The following TRUB1 variants were observed in gnomAD, a reference collection of about 807,000 sequenced individuals.
The protein encoded by TRUB1 is pseudouridylate synthase TRUB1.
In TRUB1, 23 loss-of-function variants were observed where a neutral mutation model predicts 33.9. The observed-to-expected ratio is 0.68, with a 90% CI of 0.49 to 0.96. TRUB1 has a LOEUF of 0.96. Among genes scored for constraint, TRUB1 ranks in the 40% least tolerant of loss-of-function variants. The pLI is 0.00. For synonymous variants in TRUB1, 163 were observed against 165.4 expected, an observed-to-expected ratio of 0.99 and a Z score of 0.11; for missense variants, 378 against 422.2, an observed-to-expected ratio of 0.90 and a Z score of 0.92.
chr10:114,956,154 GAGTAA>G (rs1209302323), intron 3 of TRUB1, among the ~76,000 whole-genome samples: 7 of 152,168 alleles, frequency 4.6e-5, no homozygotes, highest in African/African-American at 9.6e-5. Flanking sequence ...GCTTGACGAT[GAGTAA>G]AGTAGAGAGT....
rs1265362219 is a variant in TRUB1 at position 114,976,465 on chromosome 10, A to G, written c.*1086A>G. On this transcript the variant is annotated 3_prime_UTR_variant, in exon 8 of 8. Coordinates refer to ENST00000298746, the MANE Select transcript of TRUB1 (RefSeq NM_139169.5). Reference sequence around the variant, plus strand: ...ACTTCATATATAATGAGTGCTTCATATTTTTGTTATGGGAAAGCAATATAT... The same window carrying G: ...ACTTCATATATAATGAGTGCTTCATGTTTTTGTTATGGGAAAGCAATATAT... 1.3e-5 allele frequency: 2 copies of G among 152,098 alleles called. No homozygotes were observed. The highest frequency in any genetic ancestry group is 2.4e-5 in the African/African-American group (1 of 41,418). The allele number at this position is 152,098 out of a possible 1,614,324, so 9.4% of individuals were successfully genotyped here. A position where few individuals can be genotyped will look rare whatever the true frequency, so the allele number is the denominator to read the frequency against.
At chr10:114,965,003 T>A (rs2084301041) in intron 4 of TRUB1, among the ~76,000 whole-genome samples, 1 of 151,226 alleles carries the variant, frequency 6.6e-6, no homozygotes, top group South Asian at 2.1e-4. Context: ...AATCTTGGCT[T>A]ACTGCAAGCT....
At chr10:114,954,242 T>C (rs1188780118) in intron 3 of TRUB1, among the ~76,000 whole-genome samples, 1 of 152,224 alleles carries the variant, frequency 6.6e-6, no homozygotes, top group Non-Finnish European at 1.5e-5. Flanking sequence ...AGTTCTAGGA[T>C]GGCAAATATT....
At chr10:114,951,442 G>C (rs2084234983) in intron 3 of TRUB1, among the ~76,000 whole-genome samples, 1 of 152,170 alleles carries the variant, frequency 6.6e-6, no homozygotes, top group African/African-American at 2.4e-5. Flanking sequence ...GGGACTTAGA[G>C]GTCATAAACT....
chr10:114,969,424 C>A (rs577774229), intron 4 of TRUB1: 1 of 143,470 alleles, frequency 7.0e-6, no homozygotes, highest in Non-Finnish European at 1.5e-5. Flanking sequence ...CAGATTGAGA[C>A]CTGTCTCAAA....
chr10:114,938,638 G>A (rs2084171292), intron 1 of TRUB1, 99 bp downstream of exon 1: 8 of 1,306,092 alleles, frequency 6.1e-6, no homozygotes, highest in Non-Finnish European at 8.2e-6. Context: ...GACAAAAGGA[G>A]GGGAAAGGGA....
intron 4 of TRUB1, among the ~76,000 whole-genome samples, chr10:114,963,950 C>G (rs760726824): frequency 1.7e-4 from 26 of 149,886 alleles, no homozygotes; most frequent in Non-Finnish European, 2.8e-4. Flanking sequence ...GGTATATACC[C>G]AAGTGGAATA....
chr10:114,974,977 A>G, intron 7 of TRUB1, 146 bp from the exon 8 acceptor site: 3 of 818,224 alleles, frequency 3.7e-6, no homozygotes, highest in Non-Finnish European at 5.5e-6. Flanking sequence ...TCTTTATCTG[A>G]GGCCTCTTGG....
chr10:114,941,028 A>G (rs1012330894), intron 1 of TRUB1, among the ~76,000 whole-genome samples: 1 of 152,064 alleles, frequency 6.6e-6, no homozygotes, highest in African/African-American at 2.4e-5. Flanking sequence ...TGGCCATTTA[A>G]TCTGGCTTCT....
intron 3 of TRUB1, among the ~76,000 whole-genome samples, chr10:114,953,846 C>CT (rs1285364122): frequency 1.1e-4 from 16 of 152,090 alleles, no homozygotes; most frequent in African/African-American, 1.4e-4. Flanking sequence ...GTGCCAGGCT[C>CT]TTTTAAACAG....
At chr10:114,939,222 T>C (rs760399049) in intron 1 of TRUB1, among the ~76,000 whole-genome samples, 1 of 152,118 alleles carries the variant, frequency 6.6e-6, no homozygotes, top group Non-Finnish European at 1.5e-5. Context: ...ACTGGGAAAA[T>C]AGTAGAAAAG....
chr10:114,945,175 G>C (rs1414024775), intron 2 of TRUB1, among the ~76,000 whole-genome samples: 2 of 152,234 alleles, frequency 1.3e-5, no homozygotes, highest in African/African-American at 2.4e-5. Context: ...GAATTAGTGA[G>C]TGACAAAGTC....
chr10:114,974,596 AAGAG>A (rs1196945837), intron 7 of TRUB1, among the ~76,000 whole-genome samples: 2 of 152,128 alleles, frequency 1.3e-5, no homozygotes, highest in East Asian at 1.9e-4. Context: ...AAAGAAGAGA[AAGAG>A]AGAACAGAAA....
Position 114,938,469 on chromosome 10 carries a change from C to A in TRUB1, c.216C>A (p.Phe72Leu). The change falls in exon 1 of 8, where the codon TTC (phenylalanine) becomes TTA (leucine). Residue 72 changes from phenylalanine (F) to leucine (L), a missense_variant. Phe to Leu is a conservative substitution (Grantham distance 22). Transcript: ENST00000298746. ...ATKLLSLSGVFAVHKPKGPTS... is the reference protein window; with the variant it reads ...ATKLLSLSGVLAVHKPKGPTS... ...AGCTGCTGTCCTTGAGCGGCGTGTT[C>A]GCCGTGCACAAGCCCAAAGGGCCCA... 6.3e-7 allele frequency: 1 copy of A among 1,592,852 alleles called. No individual in the cohort carries two copies. Among genetic ancestry groups the A allele is most frequent in the Non-Finnish European group, 8.5e-7 (1 of 1,170,926 alleles).
Position 114,975,166 on chromosome 10 carries a change from A to C in TRUB1, c.837A>C (p.Lys279Asn), listed in dbSNP as rs577286665. ...CANVLELTRT[K>N]QGPFTLEEHA... ...ATGTGCTAGAGCTGACCCGAACCAAACAGGGACCATTTACGCTAGAAGAAC... is the reference window on the plus strand; with the variant it reads ...ATGTGCTAGAGCTGACCCGAACCAACCAGGGACCATTTACGCTAGAAGAAC... The change falls in exon 8 of 8, where the codon AAA (lysine) becomes AAC (asparagine). Residue 279 changes from lysine (K) to asparagine (N), a missense_variant. Coordinates refer to ENST00000298746, the MANE Select transcript of TRUB1 (RefSeq NM_139169.5). The C allele has an allele frequency of 6.2e-7, 1 of 1,613,604 alleles. No individual in the cohort carries two copies. The highest frequency in any genetic ancestry group is 1.7e-5 in the Admixed American group (1 of 59,964).
intron 4 of TRUB1, among the ~76,000 whole-genome samples, chr10:114,967,219 C>T (rs911646085): frequency 6.6e-6 from 1 of 152,150 alleles, no homozygotes; most frequent in Non-Finnish European, 1.5e-5. Context: ...CTCTCTGTCC[C>T]ACAGTTAAGA....
Position 114,975,412 on chromosome 10 carries a change from G to A in TRUB1, c.*33G>A. On this transcript the variant is annotated 3_prime_UTR_variant, in exon 8 of 8. Coordinates refer to ENST00000298746, the MANE Select transcript of TRUB1 (RefSeq NM_139169.5). The stretch of plus-strand genomic sequence containing the variant: ...CTGGGAATATCATCATTTTCTAGTT[G>A]ACATTTGAATCCTGTGTGCAGATGC... 6.6e-7 allele frequency: 1 copy of A among 1,506,572 alleles called. No individual in the cohort carries two copies. The highest frequency in any genetic ancestry group is 2.3e-5 in the East Asian group (1 of 43,166). The allele number at this position is 1,506,572 out of a possible 1,614,324, so 93.3% of individuals were successfully genotyped here. A position where few individuals can be genotyped will look rare whatever the true frequency, so the allele number is the denominator to read the frequency against.
At chr10:114,961,384 T>C (rs2084284715) in intron 4 of TRUB1, among the ~76,000 whole-genome samples, 1 of 152,152 alleles carries the variant, frequency 6.6e-6, no homozygotes, top group Non-Finnish European at 1.5e-5. Flanking sequence ...TTGTCAACCA[T>C]GACCTAGGTT....
At chr10:114,943,766 A>G (rs2084199540) in intron 2 of TRUB1, among the ~76,000 whole-genome samples, 1 of 152,160 alleles carries the variant, frequency 6.6e-6, no homozygotes, top group Non-Finnish European at 1.5e-5. Context: ...ATTCTGAGCT[A>G]TATATCAATC....
Sources: gnomAD v4.1 joint callset for allele counts (sites outside exome capture counted in the v4.1 genomes callset) on GRCh38, gnomAD v4.1.1 for gene constraint, MANE v1.5 for transcripts, NCBI Gene and HGNC (gene_info 2026-07-23, HGNC 2026-07-21) for gene names.